The following ALK variants were observed in gnomAD, a reference collection of about 807,000 sequenced individuals.
ALK encodes ALK receptor tyrosine kinase.
Under a neutral mutation model 163.1 loss-of-function variants are expected in ALK, and 74 were observed. The ratio of observed to expected loss-of-function variants is 0.45; its 90% confidence interval spans 0.38 to 0.55. ALK has a LOEUF of 0.55. ALK is among the 20% of genes least tolerant of loss of function. ALK has a pLI of 0.00. For missense variants in ALK, 2,063 were observed against 2,105.3 expected (o/e 0.98, Z 0.39); for synonymous variants, 960 against 843.2 (o/e 1.14, Z -2.40).
At chr2:29,669,306 T>G (rs1054239654) in intron 3 of ALK, among the ~76,000 whole-genome samples, 1 of 152,126 alleles carries the variant, frequency 6.6e-6, no homozygotes, top group Admixed American at 6.6e-5. Flanking sequence ...TATTTATAAT[T>G]GTTATATCCT....
chr2:29,662,317 G>C (rs993654407), intron 3 of ALK, among the ~76,000 whole-genome samples: 3 of 152,152 alleles, frequency 2.0e-5, no homozygotes, highest in African/African-American at 7.2e-5. Context: ...TCTGCACCTT[G>C]TGAAAGTCTA....
chr2:29,529,508 A>C (rs1372740484), intron 4 of ALK, among the ~76,000 whole-genome samples: 1 of 152,210 alleles, frequency 6.6e-6, no homozygotes, highest in Non-Finnish European at 1.5e-5. Context: ...AAGATTCTTG[A>C]GACTAGCAGC....
intron 1 of ALK, among the ~76,000 whole-genome samples, chr2:29,886,648 C>T (rs1181766325): frequency 1.3e-5 from 2 of 152,182 alleles, no homozygotes; most frequent in Non-Finnish European, 2.9e-5. Flanking sequence ...CATCAAAACC[C>T]GGGTGAAAGA....
At chr2:29,354,230 C>T (rs1002015028) in intron 5 of ALK, among the ~76,000 whole-genome samples, 2 of 152,204 alleles carry the variant, frequency 1.3e-5, no homozygotes, top group African/African-American at 4.8e-5. Flanking sequence ...CCTGACTCCT[C>T]ACAGAGTCTT....
At chr2:29,683,853 T>G (rs1213748870) in intron 3 of ALK, among the ~76,000 whole-genome samples, 1 of 152,160 alleles carries the variant, frequency 6.6e-6, no homozygotes, top group African/African-American at 2.4e-5. Context: ...GGGCTGTGTG[T>G]TACTCCACTA....
intron 5 of ALK, among the ~76,000 whole-genome samples, chr2:29,328,688 G>A (rs774633509): frequency 9.2e-5 from 14 of 152,218 alleles, no homozygotes; most frequent in Admixed American, 5.9e-4. Flanking sequence ...AACCCCTCAC[G>A]CTCATCCATG....
chr2:29,852,472 G>T (rs1304224838), intron 1 of ALK, among the ~76,000 whole-genome samples: 5 of 152,152 alleles, frequency 3.3e-5, no homozygotes, highest in African/African-American at 1.2e-4. Context: ...TCAAAGGTGT[G>T]GGGAAGGGCC....
chr2:29,856,352 C>A, intron 1 of ALK, among the ~76,000 whole-genome samples: 1 of 152,168 alleles, frequency 6.6e-6, no homozygotes, highest in East Asian at 1.9e-4. Context: ...AGTATCAGCA[C>A]AAAGTAAGTG....
chr2:29,833,022 G>C (rs1665462018), intron 1 of ALK, among the ~76,000 whole-genome samples: 1 of 152,160 alleles, frequency 6.6e-6, no homozygotes, highest in South Asian at 2.1e-4. Context: ...AGAGAGCCCA[G>C]TGTGGGTGGG....
At chr2:29,717,742 G>A in intron 1 of ALK, 45 bp from the exon 2 acceptor site, 2 of 1,613,352 alleles carry the variant, frequency 1.2e-6, no homozygotes, top group African/African-American at 1.3e-5. Flanking sequence ...TGCTTGGGGT[G>A]TGTCTTTTAG....
chr2:29,655,304 C>T (rs1040231931), intron 3 of ALK, among the ~76,000 whole-genome samples: 1 of 152,092 alleles, frequency 6.6e-6, no homozygotes, highest in African/African-American at 2.4e-5. Context: ...CAGGGAAGTG[C>T]ACCTTTTGTG....
At chr2:29,285,575 T>TC (rs1665832538) in intron 9 of ALK, among the ~76,000 whole-genome samples, 1 of 150,614 alleles carries the variant, frequency 6.6e-6, no homozygotes, top group South Asian at 2.1e-4. Flanking sequence ...GGCTCTTTTT[T>TC]TTTTTGGAAT....
intron 1 of ALK, among the ~76,000 whole-genome samples, chr2:29,840,639 G>A (rs184986466): frequency 6.6e-5 from 10 of 152,282 alleles, no homozygotes; most frequent in Admixed American, 5.9e-4. Context: ...AACTATGGCT[G>A]CAGTATGGCT....
intron 4 of ALK, among the ~76,000 whole-genome samples, chr2:29,480,714 G>T (rs1671641202): frequency 6.6e-6 from 1 of 151,432 alleles, no homozygotes; most frequent in African/African-American, 2.4e-5. Flanking sequence ...CTCAGGCCGG[G>T]GGCTACAGGC....
At chr2:29,821,725 A>G (rs564726175) in intron 1 of ALK, among the ~76,000 whole-genome samples, 30 of 152,206 alleles carry the variant, frequency 2.0e-4, no homozygotes, top group Non-Finnish European at 2.9e-4. Flanking sequence ...CATTTCACCA[A>G]TTGAATTGTC....
intron 4 of ALK, among the ~76,000 whole-genome samples, chr2:29,451,191 T>C (rs1267121710): frequency 1.3e-5 from 2 of 152,122 alleles, no homozygotes; most frequent in Non-Finnish European, 2.9e-5. Context: ...TTCAGAAAAA[T>C]AGATGCTGGA....
intron 5 of ALK, among the ~76,000 whole-genome samples, chr2:29,363,605 T>C (rs1668432530): frequency 6.6e-6 from 1 of 152,238 alleles, no homozygotes; most frequent in Admixed American, 6.5e-5. Flanking sequence ...TCTTGGCATG[T>C]ATACAGGTGA....
At chr2:29,692,670 A>T (rs573570379) in intron 3 of ALK, among the ~76,000 whole-genome samples, 38 of 152,248 alleles carry the variant, frequency 2.5e-4, no homozygotes, top group African/African-American at 7.5e-4. Flanking sequence ...CTTGCTTGCT[A>T]CTCACCTCCA....
Position 29,631,520 on chromosome 2 carries a change from C to T in ALK, c.952+63330G>A, listed in dbSNP as rs149282796. ...AGCTGGCAGGGCTGCTGACACAGGA[C>T]TGGAACAGGAGTTGGAAATCCCAGC... On this transcript the variant is annotated intron_variant, in intron 3 of 28. Transcript: ENST00000389048. Among the ~76,000 whole-genome samples, 682 of 152,334 alleles carry T rather than the reference C, an allele frequency of 4.5e-3. 3 individuals carry two copies. Among genetic ancestry groups the T allele is most frequent in the Non-Finnish European group, 7.9e-3 (537 of 68,042 alleles).
Sources: gnomAD v4.1 joint callset for allele counts (sites outside exome capture counted in the v4.1 genomes callset) on GRCh38, gnomAD v4.1.1 for gene constraint, MANE v1.5 for transcripts, NCBI Gene and HGNC (gene_info 2026-07-23, HGNC 2026-07-21) for gene names.